EEA1: variants seen among roughly 807,000 people sequenced by gnomAD.
EEA1 encodes the protein early endosome antigen 1, 162kD.
A neutral mutation model predicts 209.2 loss-of-function variants in EEA1; 111 were observed. That is an observed-to-expected ratio of 0.53 (90% CI 0.45 to 0.62). The LOEUF is 0.62. Among genes scored for constraint, EEA1 ranks in the 20% least tolerant of loss-of-function variants. EEA1 has a pLI of 0.00. For synonymous variants in EEA1, 536 were observed against 540.6 expected (o/e 0.99, Z 0.12); for missense variants, 1,343 against 1,530.8 (o/e 0.88, Z 2.05).
At position 92,877,592 on chromosome 12, in the gene EEA1, G is replaced by A. The variant is rs563262073; in HGVS notation, c.118-12605C>T. 9.2e-5 allele frequency among the ~76,000 whole-genome samples: 14 copies of A among 151,934 alleles called. 1 individual carries two copies. The highest frequency in any genetic ancestry group is 1.9e-4 in the Non-Finnish European group (13 of 67,996). On this transcript the variant is annotated intron_variant, in intron 2 of 28. Coordinates refer to ENST00000322349, the MANE Select transcript of EEA1 (RefSeq NM_003566.4). ...CACCCAGGCGGGAGTGCAGTGGTGCGATCTTGGCTCACTGCAACCTCCACC... is the reference window on the plus strand; with the variant it reads ...CACCCAGGCGGGAGTGCAGTGGTGCAATCTTGGCTCACTGCAACCTCCACC...
intron 1 of EEA1, among the ~76,000 whole-genome samples, chr12:92,916,815 A>T (rs1416454464): frequency 8.3e-6 from 1 of 121,018 alleles, no homozygotes; most frequent in Non-Finnish European, 1.7e-5. Flanking sequence ...GAGGACATTC[A>T]AACCAAAGGC....
chr12:92,908,017 T>C (rs1354559183), intron 1 of EEA1, among the ~76,000 whole-genome samples: 1 of 152,092 alleles, frequency 6.6e-6, no homozygotes, highest in African/African-American at 2.4e-5. Context: ...AAAACAGATA[T>C]TTGCACACCA....
rs948642939 is a variant in EEA1 at position 92,813,073 on chromosome 12, T to C, written c.1950A>G (p.Leu650=). The C allele has an allele frequency of 5.0e-6, 8 of 1,589,830 alleles. No homozygotes were observed. Among genetic ancestry groups the C allele is most frequent in the Non-Finnish European group, 6.9e-6 (8 of 1,163,778 alleles). The change falls in exon 16 of 29, where the codon CTA becomes CTG. Residue 650 remains leucine, a synonymous_variant. Transcript: ENST00000322349. ...TTTTTGCTGCTTCTGCTGATAGTAA[T>C]AGTTCGGTTTTGGCTTTAATCTGTA... ...LDIQIKAKTE[L]LLSAEAAKTA...
chr12:92,779,095 C>G lies in EEA1; in HGVS notation c.3654+20G>C. On this transcript the variant is annotated intron_variant, in intron 25 of 28. Coordinates refer to ENST00000322349, the MANE Select transcript of EEA1 (RefSeq NM_003566.4). ...TAAAGCTCTACTGCAAAACACACTT[C>G]CCCCGATTAACTCACTGACCAACTT... is the stretch of plus-strand genomic sequence containing the variant. 1 of 1,584,472 alleles carries G rather than the reference C, an allele frequency of 6.3e-7. No individual in the cohort carries two copies. The highest frequency in any genetic ancestry group is 1.2e-5 in the South Asian group (1 of 84,996).
intron 2 of EEA1, among the ~76,000 whole-genome samples, chr12:92,866,926 T>C (rs752879929): frequency 6.6e-6 from 1 of 152,176 alleles, no homozygotes; most frequent in Non-Finnish European, 1.5e-5. Flanking sequence ...CTCCTTTCCA[T>C]CTTCTCATCT....
intron 11 of EEA1, among the ~76,000 whole-genome samples, chr12:92,832,066 C>T (rs899703502): frequency 6.7e-6 from 1 of 149,426 alleles, no homozygotes; most frequent in Non-Finnish European, 1.5e-5. Flanking sequence ...CGCAGTCCGG[C>T]CTGGGCGACA....
At chr12:92,924,832 T>A (rs1592782833) in intron 1 of EEA1, among the ~76,000 whole-genome samples, 2 of 103,078 alleles carry the variant, frequency 1.9e-5, no homozygotes, top group South Asian at 3.7e-4. Flanking sequence ...TCTTTATTCC[T>A]AACATGCTAA....
chr12:92,785,027 TAAAA>T (rs33945823), intron 22 of EEA1, among the ~76,000 whole-genome samples: 1 of 142,704 alleles, frequency 7.0e-6, no homozygotes, highest in Non-Finnish European at 1.5e-5. Context: ...CATACTTTCT[TAAAA>T]AAAAAAAAAA....
chr12:92,895,577 C>G (rs1345295100), intron 1 of EEA1, among the ~76,000 whole-genome samples: 1 of 151,942 alleles, frequency 6.6e-6, no homozygotes, highest in Admixed American at 6.6e-5. Context: ...CCCAAGAGCT[C>G]TCCTGGAGGC....
intron 2 of EEA1, among the ~76,000 whole-genome samples, chr12:92,874,441 C>T (rs1213027664): frequency 6.6e-6 from 1 of 152,290 alleles, no homozygotes; most frequent in African/African-American, 2.4e-5. Flanking sequence ...TCTCGGCTCA[C>T]TGCAACCTCT....
At chr12:92,855,061 C>A (rs1420209277) in intron 5 of EEA1, among the ~76,000 whole-genome samples, 1 of 152,168 alleles carries the variant, frequency 6.6e-6, no homozygotes, top group Non-Finnish European at 1.5e-5. Context: ...AAACAGAACA[C>A]CTATAATAGT....
At position 92,775,829 on chromosome 12, in the gene EEA1, C is replaced by G; in HGVS notation, c.*182G>C. On this transcript the variant is annotated 3_prime_UTR_variant, in exon 29 of 29. Transcript: ENST00000322349. ...AAAAAGTAATGAAAGATGATAAGCCCAAGTCTCACAAAAATAGAAGAGTTT... is the reference window on the plus strand; with the variant it reads ...AAAAAGTAATGAAAGATGATAAGCCGAAGTCTCACAAAAATAGAAGAGTTT... 1 of 492,256 alleles carries G rather than the reference C, an allele frequency of 2.0e-6. No individual in the cohort carries two copies. The highest frequency in any genetic ancestry group is 3.2e-6 in the Non-Finnish European group (1 of 308,516). 30.5% of individuals were successfully genotyped at this position (492,256 alleles called of 1,614,324 possible).
At chr12:92,817,409 G>A (rs371902223) in intron 14 of EEA1, among the ~76,000 whole-genome samples, 5 of 150,862 alleles carry the variant, frequency 3.3e-5, no homozygotes, top group East Asian at 1.9e-4. Context: ...GTCTCACTCC[G>A]TCACCCAGGC....
chr12:92,816,098 T>A, intron 15 of EEA1, 102 bp downstream of exon 15: 4 of 1,056,498 alleles, frequency 3.8e-6, no homozygotes, highest in Non-Finnish European at 5.4e-6. Context: ...TATTTCAAAT[T>A]TTTTTCAATT....
intron 9 of EEA1, 110 bp downstream of exon 9, chr12:92,851,001 A>G: frequency 9.8e-7 from 1 of 1,016,778 alleles, no homozygotes; most frequent in Non-Finnish European, 1.4e-6. Flanking sequence ...TGAAAGAAAG[A>G]CAAATATTTT....
At chr12:92,798,253 TAATAAG>T (rs1874741196) in intron 21 of EEA1, among the ~76,000 whole-genome samples, 1 of 152,208 alleles carries the variant, frequency 6.6e-6, no homozygotes, top group African/African-American at 2.4e-5. Context: ...TCTTAGCCCT[TAATAAG>T]AATGATTTAT....
chr12:92,810,548 G>A (rs543581694), intron 17 of EEA1, among the ~76,000 whole-genome samples: 2 of 152,118 alleles, frequency 1.3e-5, no homozygotes, highest in South Asian at 4.2e-4. Context: ...TTCATTTCAT[G>A]ACTCTAAACT....
chr12:92,849,194 AC>A (rs1877509165), intron 9 of EEA1, among the ~76,000 whole-genome samples: 1 of 152,182 alleles, frequency 6.6e-6, no homozygotes, highest in Non-Finnish European at 1.5e-5. Context: ...TGTTTTAGTC[AC>A]CATAATACAT....
rs144371894 is a variant in EEA1, at chr12:92,880,036, G to T, written c.117+11593C>A. Among the ~76,000 whole-genome samples the T allele has an allele frequency of 1.8e-4, 27 of 152,300 alleles. No individual in the cohort carries two copies. The East Asian group carries it at 4.2e-3, about 24-fold the overall frequency. ...ACCAAGCCTGCCTCCTACAGCCCCT[G>T]GTTGTTCATTTTGTTCCCAAATGTA... On this transcript the variant is annotated intron_variant, in intron 2 of 28. Coordinates refer to ENST00000322349, the MANE Select transcript of EEA1 (RefSeq NM_003566.4).
Sources: gnomAD v4.1 joint callset for allele counts (sites outside exome capture counted in the v4.1 genomes callset) on GRCh38, gnomAD v4.1.1 for gene constraint, MANE v1.5 for transcripts, NCBI Gene and HGNC (gene_info 2026-07-23, HGNC 2026-07-21) for gene names.